The following PPP1R16B variants were observed in gnomAD, a reference collection of about 807,000 sequenced individuals.
The protein encoded by PPP1R16B is protein phosphatase 1 regulatory inhibitor subunit 16B.
In PPP1R16B, 14 loss-of-function variants were observed where a neutral mutation model predicts 61.7. The ratio of observed to expected loss-of-function variants is 0.23; its 90% CI spans 0.15 to 0.35. The LOEUF (loss-of-function observed/expected upper bound fraction) is 0.35, where lower values mean the gene tolerates loss of function less well. Among genes scored for constraint, PPP1R16B ranks in the 10% least tolerant of loss-of-function variants. The probability of loss-of-function intolerance (pLI) is 1.00; values close to 1 mark genes in which losing one functional copy is unlikely to be tolerated. For synonymous variants in PPP1R16B, 266 were observed against 305.3 expected (o/e 0.87, Z 1.34); for missense variants, 547 against 752.5 (o/e 0.73, Z 3.19).
At chr20:38,837,545 T>C (rs1490306564) in intron 2 of PPP1R16B, among the ~76,000 whole-genome samples, 1 of 151,538 alleles carries the variant, frequency 6.6e-6, no homozygotes, top group African/African-American at 2.4e-5. Flanking sequence ...CTTTTTTTTT[T>C]TTCTTTTTTT....
In PPP1R16B at chr20:38,859,015, C is replaced by T. The variant is rs116336847; in HGVS notation, c.250+22840C>T. The stretch of plus-strand genomic sequence containing the variant: ...CTTCTTGGATGATGTCTCAGAGCTC[C>T]AAGAGCAAATGTCCCAGGATCCAGG... On this transcript the variant is annotated intron_variant, in intron 2 of 10. Coordinates refer to ENST00000299824, the MANE Select transcript of PPP1R16B (RefSeq NM_015568.4). Among the ~76,000 whole-genome samples the T allele has an allele frequency of 7.8e-3, 1,190 of 152,222 alleles. 23 individuals are homozygous for T. Among genetic ancestry groups the T allele is most frequent in the African/African-American group, 0.027 (1,135 of 41,514 alleles).
intron 2 of PPP1R16B, among the ~76,000 whole-genome samples, chr20:38,866,871 T>C (rs1199692783): frequency 6.6e-6 from 1 of 152,188 alleles, no homozygotes; most frequent in Non-Finnish European, 1.5e-5. Context: ...TTCCAGAACA[T>C]TTTCATTGTC....
chr20:38,902,769 A>G lies in PPP1R16B; in HGVS notation c.673A>G (p.Ile225Val). The G allele has an allele frequency of 6.2e-7, 1 of 1,614,238 alleles. No individual in the cohort carries two copies. ...CGCAGCGGGCCAGGACCTGGACTGGATAGATGCCCAGGGTGCCACACTGGT... is the reference window on the plus strand; with the variant it reads ...CGCAGCGGGCCAGGACCTGGACTGGGTAGATGCCCAGGGTGCCACACTGGT... Reference protein sequence around the residue: ...MIAAGQDLDWIDAQGATLLHI... With the variant: ...MIAAGQDLDWVDAQGATLLHI... Residue 225 changes from isoleucine to valine, a missense_variant, in exon 6 of 11, where the codon ATA becomes GTA. Physicochemically the swap from Ile to Val is conservative, Grantham distance 29. Transcript: ENST00000299824.
intron 1 of PPP1R16B, among the ~76,000 whole-genome samples, chr20:38,829,935 G>A (rs879339608): frequency 1.3e-5 from 2 of 152,252 alleles, no homozygotes; most frequent in Non-Finnish European, 2.9e-5. Context: ...GGCTCGCGGG[G>A]AGGGCCAAGT....
chr20:38,818,000 T>C (rs2084749903), intron 1 of PPP1R16B, among the ~76,000 whole-genome samples: 1 of 151,922 alleles, frequency 6.6e-6, no homozygotes, highest in South Asian at 2.1e-4. Flanking sequence ...GCTGAGATTG[T>C]GCCACTGCAC....
At chr20:38,906,235 T>C in intron 7 of PPP1R16B, 141 bp downstream of exon 7, 2 of 753,290 alleles carry the variant, frequency 2.7e-6, no homozygotes, top group Admixed American at 3.7e-5. Flanking sequence ...ATGTGGGATA[T>C]GAAAAGGCCT....
chr20:38,874,954 T>C (rs2085156027), intron 2 of PPP1R16B, among the ~76,000 whole-genome samples: 1 of 152,202 alleles, frequency 6.6e-6, no homozygotes, highest in Non-Finnish European at 1.5e-5. Flanking sequence ...TTCCTACACA[T>C]GCTAGACTCA....
chr20:38,855,975 GA>G lies in PPP1R16B; in HGVS notation c.250+19801del, dbSNP rs1334544295. Reference sequence around the variant, plus strand: ...AGAGAGAGAGAGAGAGAGAGAGAGAGAGAGAGAAGGAGGAGGAGAGAGACCA... The same window carrying G: ...AGAGAGAGAGAGAGAGAGAGAGAGAGGAGAGAAGGAGGAGGAGAGAGACCA... On this transcript the variant is annotated intron_variant, in intron 2 of 10. Coordinates refer to ENST00000299824, the MANE Select transcript of PPP1R16B (RefSeq NM_015568.4). Among the ~76,000 whole-genome samples the G allele has an allele frequency of 1.0e-3, 125 of 121,612 alleles. 9 individuals carry two copies. Among genetic ancestry groups the G allele is most frequent in the Middle Eastern group, 3.9e-3 (1 of 256 alleles). The allele number at this position is 121,612 out of a possible 152,430, so 79.8% of individuals were successfully genotyped here. A position where few individuals can be genotyped will look rare whatever the true frequency, so the allele number is the denominator to read the frequency against.
In PPP1R16B at chr20:38,840,053, G is replaced by A. The variant is rs946335972; in HGVS notation, c.250+3878G>A. Among the ~76,000 whole-genome samples the A allele has an allele frequency of 2.0e-5, 3 of 152,220 alleles. No homozygotes were observed. In the East Asian group the frequency reaches 5.8e-4, roughly 29 times the overall value. On this transcript the variant is annotated intron_variant, in intron 2 of 10. Coordinates refer to ENST00000299824, the MANE Select transcript of PPP1R16B (RefSeq NM_015568.4). ...ATACTGTGCTCTGTGGCAGGCTCGT[G>A]GGTTGGTTTTAGGGTCCACAGTTGC...
chr20:38,906,696 CACTT>C (rs1399149872), intron 7 of PPP1R16B, among the ~76,000 whole-genome samples: 6 of 152,180 alleles, frequency 3.9e-5, no homozygotes, highest in Admixed American at 3.9e-4. Flanking sequence ...CTCTGATTGT[CACTT>C]ACACCTAGTC....
At chr20:38,876,836 T>C (rs2085171206) in intron 2 of PPP1R16B, among the ~76,000 whole-genome samples, 1 of 152,248 alleles carries the variant, frequency 6.6e-6, no homozygotes, top group African/African-American at 2.4e-5. Context: ...GAAGTTCTGA[T>C]TATAAAGGTA....
At position 38,888,998 on chromosome 20, in the gene PPP1R16B, G is replaced by C. The variant is rs372333991; in HGVS notation, c.251-597G>C. ...TACCCTCCTTCCCCAGGGCTCAGTA[G>C]GGCCAAAGAAGGGGCATTTGACACC... On this transcript the variant is annotated intron_variant, in intron 2 of 10. Coordinates refer to ENST00000299824, the MANE Select transcript of PPP1R16B (RefSeq NM_015568.4). 6.6e-5 allele frequency among the ~76,000 whole-genome samples: 10 copies of C among 151,924 alleles called. No individual in the cohort carries two copies. The South Asian group carries it at 1.9e-3, about 28-fold the overall frequency.
chr20:38,906,260 A>C (rs1487810646), intron 7 of PPP1R16B, among the ~76,000 whole-genome samples, 166 bp downstream of exon 7: 1 of 151,948 alleles, frequency 6.6e-6, no homozygotes, highest in African/African-American at 2.4e-5. Flanking sequence ...AGTTTGCAAA[A>C]AACATTGGAC....
At chr20:38,877,186 T>C (rs1043451966) in intron 2 of PPP1R16B, among the ~76,000 whole-genome samples, 2 of 152,236 alleles carry the variant, frequency 1.3e-5, no homozygotes, top group Non-Finnish European at 2.9e-5. Flanking sequence ...ATAAACAATA[T>C]GCATATAAAC....
chr20:38,824,116 A>G (rs2145711480), intron 1 of PPP1R16B, among the ~76,000 whole-genome samples: 1 of 152,280 alleles, frequency 6.6e-6, no homozygotes, highest in Non-Finnish European at 1.5e-5. Flanking sequence ...AACAATATCT[A>G]CATTGCAGAG....
At chr20:38,833,004 T>A (rs2084847593) in intron 1 of PPP1R16B, among the ~76,000 whole-genome samples, 1 of 152,154 alleles carries the variant, frequency 6.6e-6, no homozygotes, top group African/African-American at 2.4e-5. Context: ...AAAACTTATG[T>A]TTACACAATC....
intron 1 of PPP1R16B, among the ~76,000 whole-genome samples, chr20:38,807,548 GC>G: frequency 6.6e-6 from 1 of 152,138 alleles, no homozygotes; most frequent in Admixed American, 6.5e-5. Flanking sequence ...AAGCCAGCTT[GC>G]AGGAGGCCGG....
intron 2 of PPP1R16B, among the ~76,000 whole-genome samples, chr20:38,844,292 A>G (rs1242248247): frequency 6.6e-6 from 1 of 152,256 alleles, no homozygotes; most frequent in Non-Finnish European, 1.5e-5. Flanking sequence ...TGGTAGCTAT[A>G]AAAGTTTTCT....
At chr20:38,903,324 A>G (rs949088992) in intron 6 of PPP1R16B, among the ~76,000 whole-genome samples, 3 of 151,966 alleles carry the variant, frequency 2.0e-5, no homozygotes, top group African/African-American at 7.3e-5. Context: ...TCCATTAAGG[A>G]CTGGTGTCAC....
Sources: allele counts gnomAD v4.1 joint callset (sites outside exome capture counted in the v4.1 genomes callset), GRCh38; gene constraint gnomAD v4.1.1; transcripts MANE v1.5; gene names NCBI Gene and HGNC (gene_info 2026-07-23, HGNC 2026-07-21).